Variants in XYLT1 observed in about 807,000 individuals in gnomAD.
XYLT1 encodes the protein xylosyltransferase 1.
Under a neutral mutation model 91.3 loss-of-function variants are expected in XYLT1, and 36 were observed. The ratio of observed to expected loss-of-function variants is 0.39; its 90% CI spans 0.30 to 0.52. The LOEUF (loss-of-function observed/expected upper bound fraction) is 0.52. XYLT1 is among the 20% of genes least tolerant of loss of function. XYLT1 has a pLI of 0.68. For missense variants in XYLT1, 1,242 were observed against 1,284.5 expected (o/e 0.97, Z 0.51); for synonymous variants, 588 against 532.0 (o/e 1.11, Z -1.45).
rs370434056 is a variant in XYLT1, at chr16:17,108,851, C to T, written c.2724G>A (p.Ser908=). The change falls in exon 12 of 12, where the codon TCG becomes TCA. Residue 908 remains serine (S), a synonymous_variant. Transcript: ENST00000261381. ...TGGCAGTCCACATCCCGCCCACCAA[C>T]GAGTCCAGCCATCCCTCCAGCGCTG... ...TGTALEGWLD[S]LVGGMWTAMD... 71 of 1,613,198 alleles carry T rather than the reference C, an allele frequency of 4.4e-5. No homozygotes were observed. The highest frequency in any genetic ancestry group is 2.2e-4 in the East Asian group (10 of 44,866).
chr16:17,196,633 G>A (rs2032431139), intron 5 of XYLT1, among the ~76,000 whole-genome samples: 2 of 152,052 alleles, frequency 1.3e-5, no homozygotes, highest in African/African-American at 4.8e-5. Context: ...CTTCATCTAG[G>A]TCTCCTGGGA....
chr16:17,117,651 T>A lies in XYLT1; in HGVS notation c.2552A>T (p.Lys851Ile). The A allele has an allele frequency of 6.2e-7, 1 of 1,611,406 alleles. No homozygotes were observed. The highest frequency in any genetic ancestry group is 8.5e-7 in the Non-Finnish European group (1 of 1,177,846). Reference protein sequence around the residue: ...PLTFSNRQPIKPEEALKLHNG... With the variant: ...PLTFSNRQPIIPEEALKLHNG... ...TAGACACTGGGAGTACTTACCAGGT[T>A]TGATGGGCTGCCTGTTCGAGAAGGT... The change falls in exon 11 of 12, where the codon AAA (lysine) becomes ATA (isoleucine). Residue 851 changes from lysine to isoleucine, a missense_variant. By Grantham distance (102) the Lys-to-Ile change is moderately radical (BLOSUM62 -3). This residue lies in a region of XYLT1 where 511 missense variants were observed against 497.0 expected (regional missense o/e 1.03). Transcript: ENST00000261381.
At chr16:17,257,379 C>A (rs1452910732) in intron 3 of XYLT1, among the ~76,000 whole-genome samples, 1 of 152,216 alleles carries the variant, frequency 6.6e-6, no homozygotes, top group Non-Finnish European at 1.5e-5. Flanking sequence ...ATGCATTCCT[C>A]TCTGTTTGTT....
chr16:17,200,523 T>A lies in XYLT1; in HGVS notation c.1045A>T (p.Ile349Phe). The A allele has an allele frequency of 6.2e-7, 1 of 1,614,176 alleles. No homozygotes were observed. The part of the protein sequence containing the change: ...SRQLQRMFKA[I>F]YHKDHFYYIH... ...TAGTAGAAGTGGTCTTTGTGGTAGA[T>A]GGCCTTGAACATGCGCTGCAACTGC... Residue 349 changes from isoleucine to phenylalanine, a missense_variant, in exon 4 of 12, where the codon ATC becomes TTC. This residue lies in a region of XYLT1 where 294 missense variants were observed against 376.0 expected (regional missense o/e 0.78). Transcript: ENST00000261381.
At chr16:17,421,254 A>G (rs1346886111) in intron 1 of XYLT1, among the ~76,000 whole-genome samples, 1 of 152,206 alleles carries the variant, frequency 6.6e-6, no homozygotes, top group Non-Finnish European at 1.5e-5. Flanking sequence ...GAGAATCACT[A>G]CAAGGCTCCT....
intron 2 of XYLT1, among the ~76,000 whole-genome samples, chr16:17,292,654 C>T (rs539410505): frequency 7.2e-5 from 11 of 152,294 alleles, no homozygotes; most frequent in South Asian, 2.1e-4. Context: ...TGGTAGGAGA[C>T]GATGCCACCA....
At chr16:17,438,208 A>C (rs745368740) in intron 1 of XYLT1, among the ~76,000 whole-genome samples, 15 of 152,222 alleles carry the variant, frequency 9.9e-5, no homozygotes, top group Non-Finnish European at 1.8e-4. Context: ...AGACGAACCT[A>C]ATCGCAGAGG....
rs144453524 is a variant in XYLT1, at chr16:17,373,844, G to C, written c.364-15794C>G. ...CGTGAACACTATTCTCCAGCCTCTC[G>C]TAATACCTATAAAATTCAACAACTG... On this transcript the variant is annotated intron_variant, in intron 1 of 11. Transcript: ENST00000261381. Among the ~76,000 whole-genome samples, 892 of 152,256 alleles carry C rather than the reference G, an allele frequency of 5.9e-3. 10 individuals are homozygous for C. The highest frequency in any genetic ancestry group is 0.01 in the Non-Finnish European group (709 of 68,026).
chr16:17,186,439 T>C (rs1347270129), intron 5 of XYLT1, among the ~76,000 whole-genome samples: 1 of 150,556 alleles, frequency 6.6e-6, no homozygotes, highest in African/African-American at 2.5e-5. Context: ...TATCTGGCGT[T>C]ACAGGGGTGC....
At chr16:17,323,846 G>A (rs531935956) in intron 2 of XYLT1, among the ~76,000 whole-genome samples, 2 of 152,202 alleles carry the variant, frequency 1.3e-5, no homozygotes, top group South Asian at 4.1e-4. Flanking sequence ...TAGGTCAAGA[G>A]CAGATGGCAG....
intron 10 of XYLT1, among the ~76,000 whole-genome samples, chr16:17,122,465 T>C (rs893652292): frequency 6.6e-6 from 1 of 152,202 alleles, no homozygotes; most frequent in African/African-American, 2.4e-5. Flanking sequence ...CTGATTTGAG[T>C]TCCTTGTAGA....
intron 1 of XYLT1, among the ~76,000 whole-genome samples, chr16:17,388,062 C>T (rs1057435058): frequency 6.6e-6 from 1 of 152,216 alleles, no homozygotes; most frequent in Non-Finnish European, 1.5e-5. Context: ...CGCACCTAAC[C>T]TACCGAATAT....
At chr16:17,122,768 G>A (rs1052210599) in intron 10 of XYLT1, among the ~76,000 whole-genome samples, 3 of 152,170 alleles carry the variant, frequency 2.0e-5, no homozygotes, top group African/African-American at 7.2e-5. Flanking sequence ...TGTATAAGGT[G>A]AGAGATGAGG....
chr16:17,341,640 A>C (rs2035064621), intron 2 of XYLT1, among the ~76,000 whole-genome samples: 1 of 152,188 alleles, frequency 6.6e-6, no homozygotes, highest in Non-Finnish European at 1.5e-5. Context: ...ACAAGTTAAA[A>C]TGCAAAGGAA....
chr16:17,437,851 T>C (rs975088870), intron 1 of XYLT1, among the ~76,000 whole-genome samples: 1 of 152,302 alleles, frequency 6.6e-6, no homozygotes, highest in African/African-American at 2.4e-5. Flanking sequence ...TAAATCATAC[T>C]GAGCAGTATT....
intron 3 of XYLT1, among the ~76,000 whole-genome samples, chr16:17,201,315 A>G (rs1387144685): frequency 6.6e-6 from 1 of 152,086 alleles, no homozygotes; most frequent in Non-Finnish European, 1.5e-5. Flanking sequence ...TTCATCATCA[A>G]TTTCAGGGGT....
At chr16:17,455,063 A>C (rs548589769) in intron 1 of XYLT1, among the ~76,000 whole-genome samples, 1 of 152,152 alleles carries the variant, frequency 6.6e-6, no homozygotes, top group South Asian at 2.1e-4. Flanking sequence ...AACCAAAACA[A>C]ACCAGGCACA....
chr16:17,254,606 G>T (rs1461066020), intron 3 of XYLT1, among the ~76,000 whole-genome samples: 1 of 152,078 alleles, frequency 6.6e-6, no homozygotes, highest in East Asian at 1.9e-4. Flanking sequence ...TGTGGCCCAG[G>T]CTGGTCTTGA....
intron 2 of XYLT1, among the ~76,000 whole-genome samples, chr16:17,321,716 G>A (rs1004010866): frequency 5.3e-5 from 8 of 152,056 alleles, no homozygotes; most frequent in African/African-American, 1.9e-4. Flanking sequence ...TGCCCTGTAG[G>A]GGACATATGG....
Sources: allele counts gnomAD v4.1 joint callset (sites outside exome capture counted in the v4.1 genomes callset), GRCh38; gene constraint gnomAD v4.1.1; regional missense constraint gnomAD v4.1.1; transcripts MANE v1.5; gene names NCBI Gene and HGNC (gene_info 2026-07-23, HGNC 2026-07-21).